The following ARHGEF4 variants were observed in gnomAD, a reference collection of about 807,000 sequenced individuals.
ARHGEF4 encodes Rho guanine nucleotide exchange factor 4.
ARHGEF4 carries 119 observed loss-of-function variants against 162.0 expected under a neutral mutation model. The observed-to-expected ratio is 0.73, with a 90% confidence interval of 0.63 to 0.86. The LOEUF (loss-of-function observed/expected upper bound fraction) is 0.86, where lower values mean the gene tolerates loss of function less well. Among genes scored for constraint, ARHGEF4 ranks in the 40% least tolerant of loss-of-function variants. ARHGEF4 has a pLI of 0.00. For missense variants in ARHGEF4, 2,488 were observed against 2,456.0 expected (o/e 1.01, Z -0.28); for synonymous variants, 1,014 against 979.9 (o/e 1.03, Z -0.65).
intron 4 of ARHGEF4, among the ~76,000 whole-genome samples, chr2:130,996,776 C>G (rs1687419373): frequency 6.6e-6 from 1 of 152,152 alleles, no homozygotes; most frequent in Admixed American, 6.5e-5. Context: ...CATGAGACGT[C>G]CTGCATCCCC....
intron 4 of ARHGEF4, among the ~76,000 whole-genome samples, chr2:131,003,855 T>A (rs1687932488): frequency 6.6e-6 from 1 of 152,140 alleles, no homozygotes; most frequent in African/African-American, 2.4e-5. Context: ...ATGGGCTTAA[T>A]TAGAAAGAAC....
intron 1 of ARHGEF4, among the ~76,000 whole-genome samples, chr2:130,866,338 T>G (rs1046467844): frequency 2.0e-5 from 3 of 152,136 alleles, no homozygotes; most frequent in African/African-American, 7.2e-5. Context: ...GAGCCAAGTT[T>G]GTGCCACTGC....
At chr2:130,993,878 G>A (rs964261503) in intron 4 of ARHGEF4, among the ~76,000 whole-genome samples, 10 of 152,090 alleles carry the variant, frequency 6.6e-5, no homozygotes, top group African/African-American at 2.2e-4. Context: ...CTGCCTCCCA[G>A]GTTCAAGCAA....
chr2:130,911,078 T>G (rs992845303), intron 1 of ARHGEF4, among the ~76,000 whole-genome samples: 2 of 152,118 alleles, frequency 1.3e-5, no homozygotes, highest in African/African-American at 4.8e-5. Flanking sequence ...AGAGGCTAGC[T>G]CCACTGAAGG....
intron 5 of ARHGEF4, among the ~76,000 whole-genome samples, chr2:131,030,278 A>G (rs1259482618): frequency 2.0e-5 from 3 of 152,130 alleles, no homozygotes; most frequent in African/African-American, 7.2e-5. Context: ...CAAGTTGTTC[A>G]TTCTAAGATG....
At chr2:130,906,264 T>G (rs1680804895) in intron 1 of ARHGEF4, among the ~76,000 whole-genome samples, 1 of 152,222 alleles carries the variant, frequency 6.6e-6, no homozygotes, top group South Asian at 2.1e-4. Flanking sequence ...GGGTTTGAAG[T>G]GTGTTCATAG....
At chr2:130,977,420 G>A (rs527558894) in intron 4 of ARHGEF4, among the ~76,000 whole-genome samples, 1 of 151,822 alleles carries the variant, frequency 6.6e-6, no homozygotes, top group Admixed American at 6.6e-5. Flanking sequence ...TATGGGGTGT[G>A]TTTGTGTTTT....
chr2:131,017,928 A>G (rs890236266), intron 4 of ARHGEF4, among the ~76,000 whole-genome samples: 1 of 152,190 alleles, frequency 6.6e-6, no homozygotes, highest in African/African-American at 2.4e-5. Flanking sequence ...TTTTCTAGCT[A>G]TAGACAAGAT....
intron 4 of ARHGEF4, among the ~76,000 whole-genome samples, chr2:130,955,088 T>G (rs1016403041): frequency 3.9e-5 from 6 of 152,240 alleles, no homozygotes; most frequent in African/African-American, 1.4e-4. Context: ...GTGAACTTTT[T>G]ATTTCAGTTA....
At chr2:130,945,815 T>C (rs1683580620) in intron 3 of ARHGEF4, among the ~76,000 whole-genome samples, 1 of 152,226 alleles carries the variant, frequency 6.6e-6, no homozygotes, top group Admixed American at 6.5e-5. Flanking sequence ...TCCGTCTTTA[T>C]CATTGTTTGT....
chr2:130,915,466 C>A lies in ARHGEF4; in HGVS notation c.1520C>A (p.Thr507Lys), dbSNP rs1348805803. The change falls in exon 2 of 14, where the codon ACA becomes AAA. Residue 507 changes from threonine (T) to lysine (K), a missense_variant. Thr to Lys is a moderately conservative substitution (Grantham distance 78). Coordinates refer to ENST00000409359, the MANE Select transcript of ARHGEF4 (RefSeq NM_001367493.1). The stretch of plus-strand genomic sequence containing the variant: ...GCAGGAAACCAAACCAGTAATTACA[C>A]ATCAAAGTATGTGCTCAGCGAGGAA... ...VQAGNQTSNY[T>K]SKYVLSEESK... 1.3e-6 allele frequency: 2 copies of A among 1,550,444 alleles called. No individual in the cohort carries two copies. The highest frequency in any genetic ancestry group is 2.7e-5 in the African/African-American group (2 of 73,042).
In ARHGEF4 at chr2:130,864,055, G is replaced by A. The variant is rs1311395048; in HGVS notation, c.39+27063G>A. 2.0e-5 allele frequency among the ~76,000 whole-genome samples: 3 copies of A among 150,714 alleles called. No individual in the cohort carries two copies. The East Asian group carries it at 5.9e-4, about 30-fold the overall frequency. On this transcript the variant is annotated intron_variant, in intron 1 of 13. Transcript: ENST00000409359. ...AAAAAAATTAGCTGGGCATGGTGGCGGGCGCCTGTAGTCCCAGCTACTCGG... is the reference window on the plus strand; with the variant it reads ...AAAAAAATTAGCTGGGCATGGTGGCAGGCGCCTGTAGTCCCAGCTACTCGG...
chr2:131,006,256 T>A (rs1398159997), intron 4 of ARHGEF4, among the ~76,000 whole-genome samples: 2 of 152,220 alleles, frequency 1.3e-5, no homozygotes, highest in Non-Finnish European at 2.9e-5. Context: ...ACAGCCGCGA[T>A]GACACCTTAA....
At chr2:130,848,712 T>C (rs1681176862) in intron 1 of ARHGEF4, among the ~76,000 whole-genome samples, 1 of 152,082 alleles carries the variant, frequency 6.6e-6, no homozygotes, top group South Asian at 2.1e-4. Context: ...TTAGTGAGGG[T>C]TCCAGTCACA....
intron 4 of ARHGEF4, among the ~76,000 whole-genome samples, chr2:131,003,306 C>G (rs1254595698): frequency 6.6e-6 from 1 of 152,214 alleles, no homozygotes; most frequent in Non-Finnish European, 1.5e-5. Context: ...CATTCCTGTT[C>G]CACACTGTTT....
At chr2:130,917,543 A>G (rs1282432217) in intron 2 of ARHGEF4, 45 bp downstream of exon 2, 11 of 1,499,874 alleles carry the variant, frequency 7.3e-6, no homozygotes, top group Non-Finnish European at 9.8e-6. Flanking sequence ...CTCTGCAGGC[A>G]AGAGAAGGAG....
intron 5 of ARHGEF4, chr2:131,035,241 C>G: frequency 8.2e-7 from 1 of 1,224,738 alleles, no homozygotes; most frequent in Non-Finnish European, 1.0e-6. Flanking sequence ...TCGTACTGAT[C>G]TTCCTGCTGG....
intron 4 of ARHGEF4, among the ~76,000 whole-genome samples, chr2:130,991,399 C>T (rs756082038): frequency 5.9e-5 from 9 of 152,374 alleles, no homozygotes; most frequent in Middle Eastern, 3.4e-3. Context: ...CCTTTCTGGG[C>T]TGGCCAAGGC....
At chr2:130,891,661 A>G (rs961635420) in intron 1 of ARHGEF4, among the ~76,000 whole-genome samples, 3 of 152,188 alleles carry the variant, frequency 2.0e-5, no homozygotes, top group Non-Finnish European at 2.9e-5. Context: ...TTCTGATTGC[A>G]TCCTCACATG....
Sources: allele counts gnomAD v4.1 joint callset (sites outside exome capture counted in the v4.1 genomes callset), GRCh38; gene constraint gnomAD v4.1.1; transcripts MANE v1.5; gene names NCBI Gene and HGNC (gene_info 2026-07-23, HGNC 2026-07-21).